The following SUSD5 variants were observed in gnomAD, a reference collection of about 807,000 sequenced individuals.
SUSD5 encodes the protein sushi domain-containing protein 5.
A neutral mutation model predicts 29.5 loss-of-function variants in SUSD5; 33 were observed. That is an observed-to-expected ratio of 1.12 (90% CI 0.85 to 1.49). The LOEUF (loss-of-function observed/expected upper bound fraction) is 1.49. Among genes scored for constraint, SUSD5 ranks in the 40% most tolerant of loss-of-function variants. The pLI, the probability that SUSD5 is intolerant of heterozygous loss-of-function variation, is 0.00. For missense variants in SUSD5, 776 were observed against 800.6 expected (o/e 0.97, Z 0.37); for synonymous variants, 308 against 325.3 (o/e 0.95, Z 0.57).
intron 3 of SUSD5, among the ~76,000 whole-genome samples, chr3:33,187,630 A>C (rs879796065): frequency 5.3e-5 from 8 of 151,388 alleles, no homozygotes; most frequent in Admixed American, 3.3e-4. Flanking sequence ...GGGAAACTTA[A>C]CATTTGGTAA....
At position 33,160,685 on chromosome 3, in the gene SUSD5, G is replaced by T. The variant is rs1226124374; in HGVS notation, c.599-6652C>A. Among the ~76,000 whole-genome samples, 7 of 152,116 alleles carry T rather than the reference G, an allele frequency of 4.6e-5. No homozygotes were observed. In the East Asian group the frequency reaches 1.3e-3, roughly 29 times the overall value. Reference sequence around the variant, plus strand: ...TAAAATAACAGAATGTTATGAAAAGGGTGGTTATGAACTTCAGGCATCAAA... The same window carrying T: ...TAAAATAACAGAATGTTATGAAAAGTGTGGTTATGAACTTCAGGCATCAAA... On this transcript the variant is annotated intron_variant, in intron 4 of 4. Transcript: ENST00000309558.
chr3:33,187,895 C>T (rs1295976398), intron 3 of SUSD5, among the ~76,000 whole-genome samples: 1 of 146,764 alleles, frequency 6.8e-6, no homozygotes, highest in East Asian at 2.1e-4. Context: ...TGAGTGAGAA[C>T]ATGCAGTGTT....
intron 3 of SUSD5, among the ~76,000 whole-genome samples, chr3:33,188,600 T>C (rs866726857): frequency 6.6e-6 from 1 of 152,224 alleles, no homozygotes; most frequent in Non-Finnish European, 1.5e-5. Context: ...TTGAGACTGC[T>C]GGTACAAGGA....
chr3:33,161,095 G>GA (rs1219469761), intron 4 of SUSD5, among the ~76,000 whole-genome samples: 1 of 152,176 alleles, frequency 6.6e-6, no homozygotes, highest in African/African-American at 2.4e-5. Context: ...GTCATAGATG[G>GA]AAGCTCAGAG....
Position 33,153,327 on chromosome 3 carries a change from T to C in SUSD5, c.1305A>G (p.Ser435=). 2 of 1,613,946 alleles carry C rather than the reference T, an allele frequency of 1.2e-6. No homozygotes were observed. The highest frequency in any genetic ancestry group is 1.7e-6 in the Non-Finnish European group (2 of 1,179,872). Residue 435 remains serine, a synonymous_variant, in exon 5 of 5, where the codon TCA becomes TCG. Transcript: ENST00000309558. ...LTPSEGMTHS[S]VLPSQMLDVE... ...CATCTAGCATTTGAGATGGAAGAACTGAACTATGGGTCATGCCCTCGCTTG... is the reference window on the plus strand; with the variant it reads ...CATCTAGCATTTGAGATGGAAGAACCGAACTATGGGTCATGCCCTCGCTTG...
chr3:33,183,168 G>A (rs546105639), intron 3 of SUSD5, among the ~76,000 whole-genome samples: 20 of 152,132 alleles, frequency 1.3e-4, no homozygotes, highest in Admixed American at 7.2e-4. Context: ...GTTAGGTCTT[G>A]TTTTTTAACA....
chr3:33,167,512 T>A lies in SUSD5; in HGVS notation c.598+7374A>T, dbSNP rs1417198462. ...GTGTCTAAGGTTCTGCCTCCAGAGC[T>A]CCCTGAGGCTACAGCAACCCTGGGC... On this transcript the variant is annotated intron_variant, in intron 4 of 4. Coordinates refer to ENST00000309558, the MANE Select transcript of SUSD5 (RefSeq NM_015551.2). The surrounding 1 kb of genome is among the most constrained non-coding windows in gnomAD (Gnocchi z 4.1). Among the ~76,000 whole-genome samples, 3 of 152,014 alleles carry A rather than the reference T, an allele frequency of 2.0e-5. No individual in the cohort carries two copies. Among genetic ancestry groups the A allele is most frequent in the Non-Finnish European group, 2.9e-5 (2 of 68,004 alleles).
chr3:33,167,103 C>T lies in SUSD5; in HGVS notation c.598+7783G>A, dbSNP rs948884431. Reference sequence around the variant, plus strand: ...CTGAGGCAGAAGAACAGCTTGAACCCGGGAGGCGGAGGGTGCAGTGAGCCG... The same window carrying T: ...CTGAGGCAGAAGAACAGCTTGAACCTGGGAGGCGGAGGGTGCAGTGAGCCG... On this transcript the variant is annotated intron_variant, in intron 4 of 4. Coordinates refer to ENST00000309558, the MANE Select transcript of SUSD5 (RefSeq NM_015551.2). The surrounding 1 kb of genome is among the most constrained non-coding windows in gnomAD (Gnocchi z 4.1). 2.0e-5 allele frequency among the ~76,000 whole-genome samples: 3 copies of T among 151,600 alleles called. No individual in the cohort carries two copies. Among genetic ancestry groups the T allele is most frequent in the Admixed American group, 2.0e-4 (3 of 15,218 alleles).
chr3:33,158,656 G>C (rs571757554), intron 4 of SUSD5, among the ~76,000 whole-genome samples: 1 of 152,306 alleles, frequency 6.6e-6, no homozygotes, highest in Admixed American at 6.5e-5. Context: ...CTGCGGTACT[G>C]CAGAAGAAAT....
At chr3:33,203,829 G>T (rs900942320) in intron 3 of SUSD5, among the ~76,000 whole-genome samples, 1 of 152,074 alleles carries the variant, frequency 6.6e-6, no homozygotes, top group African/African-American at 2.4e-5. Context: ...ATGATTCAGT[G>T]TTATTTTGTT....
intron 3 of SUSD5, among the ~76,000 whole-genome samples, chr3:33,179,843 G>C (rs942980970): frequency 2.0e-5 from 3 of 152,124 alleles, no homozygotes; most frequent in Non-Finnish European, 4.4e-5. Context: ...TTTGGTCAAG[G>C]AGGAACTGAA....
chr3:33,210,024 T>C (rs2032294153), intron 2 of SUSD5, among the ~76,000 whole-genome samples: 1 of 152,222 alleles, frequency 6.6e-6, no homozygotes, highest in Admixed American at 6.5e-5. Flanking sequence ...GGAGTTTCTA[T>C]TACCTATTGT....
intron 3 of SUSD5, among the ~76,000 whole-genome samples, chr3:33,199,888 T>C (rs1453825931): frequency 6.6e-6 from 1 of 152,194 alleles, no homozygotes; most frequent in Non-Finnish European, 1.5e-5. Flanking sequence ...GGGCTCCACT[T>C]TCATAGGTGG....
At chr3:33,172,228 TTAC>T (rs2031443108) in intron 4 of SUSD5, among the ~76,000 whole-genome samples, 1 of 146,926 alleles carries the variant, frequency 6.8e-6, no homozygotes, top group Non-Finnish European at 1.5e-5. Flanking sequence ...CACACTCTTC[TTAC>T]AAGGACACAG....
At chr3:33,206,911 C>T (rs1001643465) in intron 3 of SUSD5, among the ~76,000 whole-genome samples, 1 of 152,000 alleles carries the variant, frequency 6.6e-6, no homozygotes, top group Non-Finnish European at 1.5e-5. Context: ...TTAATTACTC[C>T]CCCCACCCCT....
chr3:33,152,990 C>T lies in SUSD5; in HGVS notation c.1642G>A (p.Gly548Arg), dbSNP rs375235575. ...TGAAGCTCCTCACTTGCACCTGGCC[C>T]GGGGCCTTCCTGTCCAAAGAAGTCT... ...SEDFFGQEGPGPGASEELHPT... is the reference protein window; with the variant it reads ...SEDFFGQEGPRPGASEELHPT... Residue 548 changes from glycine to arginine, a missense_variant, in exon 5 of 5, where the codon GGG becomes AGG. Coordinates refer to ENST00000309558, the MANE Select transcript of SUSD5 (RefSeq NM_015551.2). The T allele has an allele frequency of 1.3e-5, 21 of 1,613,682 alleles. No homozygotes were observed. The highest frequency in any genetic ancestry group is 4.5e-5 in the East Asian group (2 of 44,880).
chr3:33,179,829 A>T (rs1225180551), intron 3 of SUSD5, among the ~76,000 whole-genome samples: 1 of 152,230 alleles, frequency 6.6e-6, no homozygotes, highest in East Asian at 1.9e-4. Flanking sequence ...CCACATAACA[A>T]CATTTTGGTC....
chr3:33,170,947 C>T (rs2031413223), intron 4 of SUSD5, among the ~76,000 whole-genome samples: 2 of 152,238 alleles, frequency 1.3e-5, no homozygotes, highest in African/African-American at 4.8e-5. Context: ...TGAACATTTA[C>T]TGACCCCCAT....
intron 3 of SUSD5, among the ~76,000 whole-genome samples, chr3:33,186,110 T>C (rs1053066980): frequency 3.9e-5 from 6 of 152,128 alleles, no homozygotes; most frequent in East Asian, 3.9e-4. Context: ...GAGACCATCC[T>C]GGCTAACACG....
Sources: gnomAD v4.1 joint callset for allele counts (sites outside exome capture counted in the v4.1 genomes callset) on GRCh38, gnomAD v4.1.1 for gene constraint, Gnocchi (gnomAD v3.1) non-coding constraint, MANE v1.5 for transcripts, NCBI Gene and HGNC (gene_info 2026-07-23, HGNC 2026-07-21) for gene names.